SPIDR: variants seen among roughly 807,000 people sequenced by gnomAD.
SPIDR encodes the protein scaffold protein involved in DNA repair.
SPIDR carries 93 observed loss-of-function variants against 104.6 expected under a neutral mutation model. The observed-to-expected ratio is 0.89, with a 90% CI of 0.75 to 1.06. The LOEUF is 1.06. Ranked by LOEUF, SPIDR falls within the 50% of genes least tolerant of loss-of-function variation. The pLI is 0.00. For synonymous variants in SPIDR, 431 were observed against 416.9 expected (o/e 1.03, Z -0.41); for missense variants, 1,154 against 1,111.2 (o/e 1.04, Z -0.55).
intron 19 of SPIDR, among the ~76,000 whole-genome samples, 164 bp from the exon 20 acceptor site, chr8:47,735,143 C>G (rs915751771): frequency 6.0e-5 from 9 of 150,560 alleles, no homozygotes; most frequent in Non-Finnish European, 1.2e-4. Context: ...TGTAGTGGCT[C>G]TTCATTTGTT....
Position 47,466,942 on chromosome 8 carries a change from TAG to T in SPIDR, c.1097+26402_1097+26403del, listed in dbSNP as rs1196981824. Among the ~76,000 whole-genome samples, 192 of 140,770 alleles carry T rather than the reference TAG, an allele frequency of 1.4e-3. 11 individuals carry two copies. The highest frequency in any genetic ancestry group is 2.2e-3 in the African/African-American group (84 of 37,550). 92.4% of individuals were successfully genotyped at this position (140,770 alleles called of 152,430 possible). On this transcript the variant is annotated intron_variant, in intron 8 of 19. Coordinates refer to ENST00000297423, the MANE Select transcript of SPIDR (RefSeq NM_001080394.4). ...ATAGATAGATAGATAGATAGATAGA[TAG>T]ATAGATATAAAAAATAGACTGCTAG...
chr8:47,582,920 A>C (rs2059877145), intron 8 of SPIDR, among the ~76,000 whole-genome samples: 2 of 151,852 alleles, frequency 1.3e-5, no homozygotes, highest in Admixed American at 6.6e-5. Flanking sequence ...GTATATTTTT[A>C]AAAGCTTTCC....
intron 5 of SPIDR, among the ~76,000 whole-genome samples, chr8:47,298,078 T>G (rs1440123317): frequency 1.3e-5 from 2 of 152,182 alleles, no homozygotes; most frequent in Admixed American, 6.5e-5. Flanking sequence ...CCACCAACAG[T>G]GTAAAAGTGT....
intron 8 of SPIDR, among the ~76,000 whole-genome samples, chr8:47,552,603 CA>C (rs771185228): frequency 3.3e-5 from 5 of 151,154 alleles, no homozygotes; most frequent in African/African-American, 4.9e-5. Context: ...TTTTGTTTTC[CA>C]TTTGCTTGGT....
chr8:47,533,090 GAAAGCAGT>G (rs1485078416), intron 8 of SPIDR, among the ~76,000 whole-genome samples: 1 of 152,116 alleles, frequency 6.6e-6, no homozygotes, highest in East Asian at 1.9e-4. Context: ...AAGTTTCAGT[GAAAGCAGT>G]GTAAAGAAAA....
At chr8:47,600,464 A>G (rs1428354149) in intron 10 of SPIDR, among the ~76,000 whole-genome samples, 1 of 152,242 alleles carries the variant, frequency 6.6e-6, no homozygotes, top group Non-Finnish European at 1.5e-5. Context: ...AAGTGGAGGC[A>G]CTTTATTTGA....
intron 6 of SPIDR, among the ~76,000 whole-genome samples, chr8:47,403,530 C>A (rs1554665045): frequency 6.6e-6 from 1 of 152,078 alleles, no homozygotes; most frequent in African/African-American, 2.4e-5. Flanking sequence ...AATCAATGTG[C>A]AAAAATCACA....
intron 6 of SPIDR, among the ~76,000 whole-genome samples, chr8:47,398,415 CAGAG>C (rs1221853789): frequency 4.6e-5 from 7 of 151,776 alleles, no homozygotes; most frequent in Non-Finnish European, 7.4e-5. Context: ...GATGTCAACT[CAGAG>C]AGAGAAATTT....
chr8:47,512,220 T>C, intron 8 of SPIDR: 1 of 330,090 alleles, frequency 3.0e-6, no homozygotes, highest in Non-Finnish European at 5.7e-6. Context: ...ACTTTTGTCT[T>C]TCTCCTGAGA....
chr8:47,640,106 C>T (rs2068629095), intron 10 of SPIDR, among the ~76,000 whole-genome samples: 1 of 152,188 alleles, frequency 6.6e-6, no homozygotes, highest in South Asian at 2.1e-4. Context: ...TGTTGCCTTC[C>T]AGCTTTCGAA....
intron 11 of SPIDR, among the ~76,000 whole-genome samples, chr8:47,685,399 A>G (rs971422590): frequency 1.3e-5 from 2 of 151,918 alleles, no homozygotes; most frequent in Non-Finnish European, 2.9e-5. Flanking sequence ...CTTCTCTTAA[A>G]AATATTTCCC....
intron 16 of SPIDR, among the ~76,000 whole-genome samples, chr8:47,724,005 G>A (rs1441652614): frequency 1.3e-5 from 2 of 151,670 alleles, no homozygotes; most frequent in African/African-American, 2.4e-5. Flanking sequence ...AATTAGAAAT[G>A]TAAAAGATTT....
chr8:47,543,357 G>A (rs1051671260), intron 8 of SPIDR, among the ~76,000 whole-genome samples: 13 of 152,154 alleles, frequency 8.5e-5, no homozygotes, highest in African/African-American at 3.1e-4. Context: ...TTTTTATTCT[G>A]ATAGATAGAT....
intron 8 of SPIDR, among the ~76,000 whole-genome samples, chr8:47,493,837 A>G (rs1040468546): frequency 1.3e-5 from 2 of 152,154 alleles, no homozygotes; most frequent in Non-Finnish European, 2.9e-5. Flanking sequence ...GGAGCTGGAT[A>G]TTTACTATCT....
intron 8 of SPIDR, among the ~76,000 whole-genome samples, chr8:47,565,570 A>G (rs2057682703): frequency 6.6e-6 from 1 of 152,128 alleles, no homozygotes; most frequent in South Asian, 2.1e-4. Context: ...AATGTAAAAT[A>G]TCCCTAATTA....
chr8:47,704,762 T>C (rs1044814404), intron 14 of SPIDR, among the ~76,000 whole-genome samples: 2 of 152,210 alleles, frequency 1.3e-5, no homozygotes, highest in African/African-American at 2.4e-5. Flanking sequence ...TGGAGAATGA[T>C]TGGCATGAGT....
chr8:47,442,011 A>G (rs2069542736), intron 8 of SPIDR, among the ~76,000 whole-genome samples: 1 of 152,182 alleles, frequency 6.6e-6, no homozygotes, highest in Non-Finnish European at 1.5e-5. Flanking sequence ...ACATGCTAGT[A>G]TTATACTATT....
At chr8:47,615,863 CA>C (rs2064237815) in intron 10 of SPIDR, among the ~76,000 whole-genome samples, 1 of 152,072 alleles carries the variant, frequency 6.6e-6, no homozygotes, top group Admixed American at 6.6e-5. Flanking sequence ...TAATTTCTTT[CA>C]GAAATGTTTT....
intron 5 of SPIDR, among the ~76,000 whole-genome samples, chr8:47,372,555 G>C (rs535433744): frequency 1.8e-4 from 27 of 152,272 alleles, no homozygotes; most frequent in Admixed American, 7.8e-4. Flanking sequence ...GAACCTGGGA[G>C]GGGGAAGTTG....
Sources: allele counts gnomAD v4.1 joint callset (sites outside exome capture counted in the v4.1 genomes callset), GRCh38; gene constraint gnomAD v4.1.1; transcripts MANE v1.5; gene names NCBI Gene and HGNC (gene_info 2026-07-23, HGNC 2026-07-21).